Variants in FOXO1 observed in about 807,000 individuals in gnomAD.
The protein encoded by FOXO1 is forkhead box protein O1.
Under a neutral mutation model 44.1 loss-of-function variants are expected in FOXO1, and 6 were observed. That is an observed-to-expected ratio of 0.14 (90% CI 0.07 to 0.27). FOXO1 has a LOEUF of 0.27. Ranked by LOEUF, FOXO1 falls within the 10% of genes least tolerant of loss-of-function variation. The probability of loss-of-function intolerance (pLI) is 1.00; values close to 1 mark genes in which losing one functional copy is unlikely to be tolerated. For missense variants in FOXO1, 737 were observed against 888.8 expected (o/e 0.83, Z 2.17); for synonymous variants, 380 against 362.7 (o/e 1.05, Z -0.54).
intron 1 of FOXO1, among the ~76,000 whole-genome samples, chr13:40,581,579 A>G (rs1874958175): frequency 6.6e-6 from 1 of 152,248 alleles, no homozygotes; most frequent in Non-Finnish European, 1.5e-5. Context: ...TATTCAAAAT[A>G]ACACAGAATT....
At chr13:40,584,412 C>T (rs1207387485) in intron 1 of FOXO1, among the ~76,000 whole-genome samples, 1 of 134,430 alleles carries the variant, frequency 7.4e-6, no homozygotes, top group Admixed American at 8.7e-5. Context: ...TGGCTTGAGC[C>T]CAGGAGTTCA....
In FOXO1 at chr13:40,661,028, A is replaced by C. The variant is rs74044558; in HGVS notation, c.630+4555T>G. On this transcript the variant is annotated intron_variant, in intron 1 of 2. Coordinates refer to ENST00000379561, the MANE Select transcript of FOXO1 (RefSeq NM_002015.4). ...TCAAAAAGAGGCCACTCTTCTCGCC[A>C]TCCCCTCAACCAAGGACATGCCACA... Among the ~76,000 whole-genome samples, 817 of 152,290 alleles carry C rather than the reference A, an allele frequency of 5.4e-3. 6 individuals are homozygous for C. The highest frequency in any genetic ancestry group is 0.019 in the African/African-American group (786 of 41,552).
At chr13:40,614,198 T>C (rs1408927441) in intron 1 of FOXO1, among the ~76,000 whole-genome samples, 1 of 152,158 alleles carries the variant, frequency 6.6e-6, no homozygotes. Flanking sequence ...CCAGGATGCA[T>C]CTAAAAGCCA....
chr13:40,599,475 C>T (rs1349799771), intron 1 of FOXO1, among the ~76,000 whole-genome samples: 3 of 152,216 alleles, frequency 2.0e-5, no homozygotes, highest in African/African-American at 7.2e-5. Context: ...CTGTGTACAG[C>T]TGGACGAAGT....
intron 1 of FOXO1, among the ~76,000 whole-genome samples, chr13:40,650,499 A>T (rs991348306): frequency 2.6e-5 from 4 of 152,126 alleles, no homozygotes; most frequent in African/African-American, 9.7e-5. Flanking sequence ...ATCTCAATTA[A>T]GCTGAACAGA....
intron 1 of FOXO1, among the ~76,000 whole-genome samples, chr13:40,614,096 T>A (rs995209358): frequency 2.6e-5 from 4 of 152,134 alleles, no homozygotes; most frequent in Non-Finnish European, 4.4e-5. Context: ...ATTTCAGGAA[T>A]AAGGACAAAA....
chr13:40,563,075 C>G (rs1170933863), intron 1 of FOXO1, among the ~76,000 whole-genome samples: 13 of 152,234 alleles, frequency 8.5e-5, no homozygotes, highest in Non-Finnish European at 1.5e-5. Flanking sequence ...GGATGCAAGG[C>G]TCAGCTGACC....
intron 1 of FOXO1, among the ~76,000 whole-genome samples, chr13:40,653,472 C>T (rs1877751482): frequency 6.6e-6 from 1 of 152,118 alleles, no homozygotes; most frequent in Admixed American, 6.5e-5. Flanking sequence ...AAAGGAAAAC[C>T]AATATGAAAG....
rs889735399 is a variant in FOXO1 at position 40,635,252 on chromosome 13, C to T, written c.630+30331G>A. Reference sequence around the variant, plus strand: ...TCCCATTCACTGTTTATTCCTCCTACGAAGAAACACAGGAGTAAATTTAAG... The same window carrying T: ...TCCCATTCACTGTTTATTCCTCCTATGAAGAAACACAGGAGTAAATTTAAG... On this transcript the variant is annotated intron_variant, in intron 1 of 2. Transcript: ENST00000379561. Among the ~76,000 whole-genome samples, 24 of 152,150 alleles carry T rather than the reference C, an allele frequency of 1.6e-4. 1 individual carries two copies. The highest frequency in any genetic ancestry group is 1.1e-3 in the Admixed American group (17 of 15,284).
intron 1 of FOXO1, among the ~76,000 whole-genome samples, chr13:40,647,099 A>C (rs952069620): frequency 6.6e-6 from 1 of 152,232 alleles, no homozygotes; most frequent in Non-Finnish European, 1.5e-5. Context: ...GGAAGTCTAC[A>C]TTAGTAAAGT....
intron 1 of FOXO1, among the ~76,000 whole-genome samples, chr13:40,615,281 A>T (rs1254730749): frequency 6.6e-6 from 1 of 152,196 alleles, no homozygotes; most frequent in Non-Finnish European, 1.5e-5. Flanking sequence ...TCACGCCTGT[A>T]ACCCTAGCAC....
intron 1 of FOXO1, among the ~76,000 whole-genome samples, chr13:40,623,546 T>C (rs1186917278): frequency 6.6e-6 from 1 of 152,090 alleles, no homozygotes; most frequent in African/African-American, 2.4e-5. Context: ...GGGAAATGTG[T>C]TTGGAGGCAG....
Position 40,665,932 on chromosome 13 carries a change from A to ACCGCCG in FOXO1, c.275_280dup (p.Ala92_Ala93dup), listed in dbSNP as rs1238534097. The stretch of plus-strand genomic sequence containing the variant: ...GGCGGCCGCGGCGGCCGCCGCCGCC[A>ACCGCCG]CCGCCGCCGCCACGGAGCCGGGCGC... On this transcript the variant is annotated inframe_insertion, in exon 1 of 3. Coordinates refer to ENST00000379561, the MANE Select transcript of FOXO1 (RefSeq NM_002015.4). 8 of 1,211,828 alleles carry ACCGCCG rather than the reference A, an allele frequency of 6.6e-6. No individual in the cohort carries two copies. Among genetic ancestry groups the ACCGCCG allele is most frequent in the South Asian group, 4.1e-5 (1 of 24,268 alleles). 75.1% of individuals were successfully genotyped at this position (1,211,828 alleles called of 1,614,324 possible).
At chr13:40,619,421 A>G in intron 1 of FOXO1, 1 of 1,005,572 alleles carries the variant, frequency 9.9e-7, no homozygotes, top group Non-Finnish European at 1.6e-6. Context: ...AATGCAACTC[A>G]AAGTGGACAA....
At chr13:40,614,044 T>C (rs1593400479) in intron 1 of FOXO1, among the ~76,000 whole-genome samples, 1 of 152,140 alleles carries the variant, frequency 6.6e-6, no homozygotes, top group Non-Finnish European at 1.5e-5. Context: ...TTTCCAAAGG[T>C]ATTTTCCAGA....
chr13:40,646,703 C>T (rs1359421254), intron 1 of FOXO1, among the ~76,000 whole-genome samples: 1 of 152,130 alleles, frequency 6.6e-6, no homozygotes, highest in Non-Finnish European at 1.5e-5. Context: ...ATGAGATTCC[C>T]CTGCTTCAGC....
At position 40,627,246 on chromosome 13, in the gene FOXO1, T is replaced by C. The variant is rs370645018; in HGVS notation, c.630+38337A>G. 3.9e-5 allele frequency among the ~76,000 whole-genome samples: 6 copies of C among 152,314 alleles called. No individual in the cohort carries two copies. The East Asian group carries it at 5.8e-4, about 15-fold the overall frequency. On this transcript the variant is annotated intron_variant, in intron 1 of 2. Transcript: ENST00000379561. ...CACCTGTATCCACCTCACTCACAAC[T>C]GTTCATTTTTCCCAAACCCAGATAG...
At chr13:40,585,422 C>A (rs536019082) in intron 1 of FOXO1, among the ~76,000 whole-genome samples, 5 of 151,956 alleles carry the variant, frequency 3.3e-5, no homozygotes, top group Non-Finnish European at 2.9e-5. Context: ...CATATGCCAA[C>A]AGGCAAGTCA....
intron 1 of FOXO1, among the ~76,000 whole-genome samples, chr13:40,657,214 A>C (rs1689137222): frequency 6.6e-6 from 1 of 152,230 alleles, no homozygotes; most frequent in South Asian, 2.1e-4. Context: ...AAGCATAATG[A>C]AATGTCATTA....
Sources: gnomAD v4.1 joint callset for allele counts (sites outside exome capture counted in the v4.1 genomes callset) on GRCh38, gnomAD v4.1.1 for gene constraint, MANE v1.5 for transcripts, NCBI Gene and HGNC (gene_info 2026-07-23, HGNC 2026-07-21) for gene names.